NRG1: variants seen among roughly 807,000 people sequenced by gnomAD.
NRG1 encodes the protein pro-neuregulin-1, membrane-bound isoform.
Under a neutral mutation model 63.8 loss-of-function variants are expected in NRG1, and 18 were observed. The observed-to-expected ratio is 0.28, with a 90% CI of 0.19 to 0.42. NRG1 has a LOEUF of 0.42. Ranked by LOEUF, NRG1 falls within the 10% of genes least tolerant of loss-of-function variation. NRG1 has a pLI of 1.00. For synonymous variants in NRG1, 302 were observed against 301.3 expected (o/e 1.00, Z -0.02); for missense variants, 762 against 814.7 (o/e 0.94, Z 0.79).
intron 1 of NRG1, among the ~76,000 whole-genome samples, chr8:31,861,974 C>T (rs16878370): frequency 0.15 from 22,849 of 152,062 alleles, 2,046 homozygotes; most frequent in Non-Finnish European, 0.19. Flanking sequence ...TGTTATCAGG[C>T]TTGGCATTTC....
At chr8:31,982,296 AAGTG>A (rs1465549663) in intron 1 of NRG1, among the ~76,000 whole-genome samples, 1 of 152,090 alleles carries the variant, frequency 6.6e-6, no homozygotes, top group Non-Finnish European at 1.5e-5. Context: ...TTCCATGAGA[AAGTG>A]AGTAACATAG....
At chr8:31,682,468 A>G (rs1201531832) in intron 1 of NRG1, among the ~76,000 whole-genome samples, 2 of 152,166 alleles carry the variant, frequency 1.3e-5, no homozygotes, top group East Asian at 1.9e-4. Flanking sequence ...GGCTGTGCAT[A>G]TAATAAAGTG....
chr8:32,202,903 A>G (rs1270815066), intron 1 of NRG1, among the ~76,000 whole-genome samples: 1 of 151,582 alleles, frequency 6.6e-6, no homozygotes, highest in East Asian at 2.0e-4. Context: ...TTTGGGTGCA[A>G]AAACAGGAAT....
chr8:32,723,356 A>G (rs1438086183), intron 5 of NRG1, among the ~76,000 whole-genome samples: 1 of 152,178 alleles, frequency 6.6e-6, no homozygotes, highest in Non-Finnish European at 1.5e-5. Flanking sequence ...TTTGGTTGTT[A>G]TCATTATGTC....
chr8:32,561,851 TG>T lies in NRG1; in HGVS notation c.100+13031del, dbSNP rs1427772959. On this transcript the variant is annotated intron_variant, in intron 1 of 11. Coordinates refer to ENST00000356819, the Ensembl canonical transcript of NRG1. The stretch of plus-strand genomic sequence containing the variant: ...TTTATATTTATTTATTTAGGGTTTT[TG>T]GGGGGTGGGGGGTGGAGGAGCTTGG... Among the ~76,000 whole-genome samples the T allele has an allele frequency of 6.1e-5, 5 of 81,772 alleles. No individual in the cohort carries two copies. The East Asian group carries it at 1.8e-3, about 30-fold the overall frequency. 53.6% of individuals were successfully genotyped at this position (81,772 alleles called of 152,430 possible). A position where few individuals can be genotyped will look rare whatever the true frequency, so the allele number is the denominator to read the frequency against.
chr8:32,740,103 T>C (rs1825960243), intron 6 of NRG1, among the ~76,000 whole-genome samples: 1 of 152,088 alleles, frequency 6.6e-6, no homozygotes, highest in African/African-American at 2.4e-5. Flanking sequence ...TTCCCATGTG[T>C]TTTTTCTTAT....
intron 5 of NRG1, among the ~76,000 whole-genome samples, chr8:32,649,568 G>A (rs1363660205): frequency 6.6e-6 from 1 of 152,170 alleles, no homozygotes; most frequent in African/African-American, 2.4e-5. Context: ...CCTCTGGACA[G>A]TAATGAAGAA....
In NRG1 at chr8:32,721,940, C is replaced by T; in HGVS notation, c.503-6009C>T. The T allele has an allele frequency of 2.0e-6, 3 of 1,531,742 alleles. 1 individual carries two copies. In the South Asian group the frequency reaches 3.8e-5, roughly 19 times the overall value. 94.9% of individuals were successfully genotyped at this position (1,531,742 alleles called of 1,614,324 possible). A position where few individuals can be genotyped will look rare whatever the true frequency, so the allele number is the denominator to read the frequency against. On this transcript the variant is annotated intron_variant, in intron 5 of 11. Coordinates refer to ENST00000356819, the Ensembl canonical transcript of NRG1. ...CTCATTATACCTAATTGCAAAGGAG[C>T]TATATTCAGAGCAAGAATAATAATT...
At chr8:31,649,409 C>G (rs949647762) in intron 1 of NRG1, among the ~76,000 whole-genome samples, 1 of 152,186 alleles carries the variant, frequency 6.6e-6, no homozygotes, top group African/African-American at 2.4e-5. Flanking sequence ...TGATACTAGC[C>G]TTCCTAATGC....
chr8:32,201,236 C>G (rs1285231689), intron 1 of NRG1, among the ~76,000 whole-genome samples: 2 of 152,142 alleles, frequency 1.3e-5, no homozygotes, highest in Non-Finnish European at 2.9e-5. Flanking sequence ...GATTACTACT[C>G]ATTTTGGTCT....
At chr8:32,596,617 A>G (rs1437647418) in intron 2 of NRG1, among the ~76,000 whole-genome samples, 1 of 149,872 alleles carries the variant, frequency 6.7e-6, no homozygotes, top group Non-Finnish European at 1.5e-5. Flanking sequence ...AAAAAAATGC[A>G]ATTTCTTTAA....
intron 1 of NRG1, among the ~76,000 whole-genome samples, chr8:31,747,425 C>T (rs1276696361): frequency 6.6e-6 from 1 of 151,952 alleles, no homozygotes; most frequent in Admixed American, 6.6e-5. Flanking sequence ...CACACAGTCT[C>T]ATATGGAGTG....
chr8:32,409,218 C>T (rs930785770), intron 1 of NRG1, among the ~76,000 whole-genome samples: 10 of 152,056 alleles, frequency 6.6e-5, no homozygotes, highest in African/African-American at 1.7e-4. Flanking sequence ...CAATGAAACT[C>T]GTTCCCCTAT....
At chr8:31,895,073 C>T (rs1563536929) in intron 1 of NRG1, among the ~76,000 whole-genome samples, 1 of 152,146 alleles carries the variant, frequency 6.6e-6, no homozygotes, top group Admixed American at 6.5e-5. Context: ...TTTGGCACTG[C>T]CTGGATTTGG....
At chr8:31,828,273 G>A (rs1221051341) in intron 1 of NRG1, among the ~76,000 whole-genome samples, 4 of 152,166 alleles carry the variant, frequency 2.6e-5, no homozygotes, top group African/African-American at 9.7e-5. Context: ...AATTGACGAT[G>A]AGTGACTGTA....
At chr8:32,411,220 A>G (rs960060066) in intron 1 of NRG1, among the ~76,000 whole-genome samples, 2 of 152,190 alleles carry the variant, frequency 1.3e-5, no homozygotes, top group African/African-American at 4.8e-5. Flanking sequence ...CTGAGAAGAC[A>G]GGTGGCTTAT....
At chr8:31,957,786 C>T (rs368751126) in intron 1 of NRG1, among the ~76,000 whole-genome samples, 5 of 152,092 alleles carry the variant, frequency 3.3e-5, no homozygotes, top group Non-Finnish European at 7.4e-5. Flanking sequence ...AGCATTCACT[C>T]ATGGTGTTTA....
At chr8:31,823,117 C>CTTTTT (rs147209584) in intron 1 of NRG1, among the ~76,000 whole-genome samples, 122 of 77,786 alleles carry the variant, frequency 1.6e-3, no homozygotes, top group East Asian at 5.1e-3. Context: ...TGTCCTTGTT[C>CTTTTT]TTTTTTTTTT....
At chr8:31,972,654 C>T (rs1807491606) in intron 1 of NRG1, among the ~76,000 whole-genome samples, 1 of 152,082 alleles carries the variant, frequency 6.6e-6, no homozygotes, top group Non-Finnish European at 1.5e-5. Flanking sequence ...TCAACTCATC[C>T]TTTTTACAAA....
Sources: allele counts gnomAD v4.1 joint callset (sites outside exome capture counted in the v4.1 genomes callset), GRCh38; gene constraint gnomAD v4.1.1; transcripts MANE v1.5; gene names NCBI Gene and HGNC (gene_info 2026-07-23, HGNC 2026-07-21).